CACNA1D: variants seen among roughly 807,000 people sequenced by gnomAD.
CACNA1D encodes voltage-dependent L-type calcium channel subunit alpha-1D.
CACNA1D carries 55 observed loss-of-function variants against 257.1 expected under a neutral mutation model. That is an observed-to-expected ratio of 0.21 (90% CI 0.17 to 0.27). CACNA1D has a LOEUF of 0.27. CACNA1D is among the 10% of genes least tolerant of loss of function. The pLI, the probability that CACNA1D is intolerant of heterozygous loss-of-function variation, is 1.00. For synonymous variants in CACNA1D, 980 were observed against 1,014.9 expected (o/e 0.97, Z 0.65); for missense variants, 1,876 against 2,784.0 (o/e 0.67, Z 7.34).
chr3:53,536,135 A>G (rs558291557), intron 3 of CACNA1D, among the ~76,000 whole-genome samples: 22 of 152,298 alleles, frequency 1.4e-4, no homozygotes, highest in Admixed American at 5.2e-4. Context: ...GGTCTTAACT[A>G]TATTGTTTTC....
intron 5 of CACNA1D, among the ~76,000 whole-genome samples, chr3:53,663,511 T>C (rs1461735371): frequency 1.3e-5 from 2 of 152,184 alleles, no homozygotes; most frequent in Non-Finnish European, 2.9e-5. Flanking sequence ...CCTCAGTCTC[T>C]TGGTTCCTCA....
At chr3:53,741,787 G>A (rs1038861280) in intron 21 of CACNA1D, among the ~76,000 whole-genome samples, 1 of 152,156 alleles carries the variant, frequency 6.6e-6, no homozygotes, top group East Asian at 1.9e-4. Context: ...AAAGTGAATG[G>A]GGAGCTGTTC....
At chr3:53,703,983 T>C (rs972093626) in intron 9 of CACNA1D, among the ~76,000 whole-genome samples, 3 of 152,142 alleles carry the variant, frequency 2.0e-5, no homozygotes, top group African/African-American at 7.2e-5. Context: ...GTGTGACCAT[T>C]CAGTGTCAGA....
rs148841318 is a variant in CACNA1D, at chr3:53,514,961, G to T, written c.483+13241G>T. Among the ~76,000 whole-genome samples the T allele has an allele frequency of 2.1e-3, 325 of 152,288 alleles. 2 individuals carry two copies. The highest frequency in any genetic ancestry group is 7.5e-3 in the African/African-American group (311 of 41,544). On this transcript the variant is annotated intron_variant, in intron 3 of 47. Transcript: ENST00000350061. Reference sequence around the variant, plus strand: ...TTTGCAGCGGATCTGGTGAAGAAATGAACTGAAAATGAGCCTGCTGGCCAT... The same window carrying T: ...TTTGCAGCGGATCTGGTGAAGAAATTAACTGAAAATGAGCCTGCTGGCCAT...
chr3:53,681,873 G>T (rs2094432889), intron 8 of CACNA1D, among the ~76,000 whole-genome samples: 1 of 151,972 alleles, frequency 6.6e-6, no homozygotes, highest in African/African-American at 2.4e-5. Context: ...TAGGGCAAGG[G>T]TATTCTAGTC....
chr3:53,518,842 G>A (rs2091446847), intron 3 of CACNA1D, among the ~76,000 whole-genome samples: 1 of 152,136 alleles, frequency 6.6e-6, no homozygotes, highest in Non-Finnish European at 1.5e-5. Context: ...TCAGAATTAC[G>A]TGTCCAGCTT....
chr3:53,554,196 A>C (rs1470444641), intron 3 of CACNA1D, among the ~76,000 whole-genome samples: 2 of 121,180 alleles, frequency 1.7e-5, no homozygotes, highest in African/African-American at 9.9e-5. Flanking sequence ...ACTCTGTCTC[A>C]AAAAAAAAAA....
At chr3:53,739,119 C>T (rs2095088682) in intron 20 of CACNA1D, among the ~76,000 whole-genome samples, 1 of 152,216 alleles carries the variant, frequency 6.6e-6, no homozygotes, top group Non-Finnish European at 1.5e-5. Flanking sequence ...GACACAGCCC[C>T]CAGGCGACTC....
At chr3:53,808,872 G>A in intron 46 of CACNA1D, 102 bp downstream of exon 46, 1 of 1,232,736 alleles carries the variant, frequency 8.1e-7, no homozygotes. Flanking sequence ...CAGGAGGGAA[G>A]GAGAGAATCT....
At chr3:53,710,465 G>A (rs1395850023) in intron 9 of CACNA1D, 1 of 456,594 alleles carries the variant, frequency 2.2e-6, no homozygotes, top group African/African-American at 2.0e-5. Context: ...GGCAACGCAG[G>A]GCTAAAGATC....
Position 53,805,085 on chromosome 3 carries a change from G to A in CACNA1D, c.5688G>A (p.Ser1896=), listed in dbSNP as rs538758473. The change falls in exon 45 of 48, where the codon TCG becomes TCA. Residue 1896 remains serine (S), a synonymous_variant. Coordinates refer to ENST00000350061, the MANE Select transcript of CACNA1D (RefSeq NM_001128840.3). The stretch of plus-strand genomic sequence containing the variant: ...AAGGATTCTTGGAGGACGATGACTC[G>A]CCCGTTTGCTATGATTCACGGAGAT... ...HPQGFLEDDD[S]PVCYDSRRSP... The A allele has an allele frequency of 2.4e-5, 38 of 1,613,912 alleles. No individual in the cohort carries two copies. The highest frequency in any genetic ancestry group is 3.1e-5 in the Non-Finnish European group (37 of 1,179,996).
intron 9 of CACNA1D, among the ~76,000 whole-genome samples, chr3:53,708,110 T>C (rs1372065112): frequency 6.6e-6 from 1 of 152,236 alleles, no homozygotes; most frequent in Non-Finnish European, 1.5e-5. Context: ...ATGTGCTACC[T>C]AGTTGCCTCT....
At chr3:53,577,656 C>T (rs2093061122) in intron 3 of CACNA1D, among the ~76,000 whole-genome samples, 2 of 152,070 alleles carry the variant, frequency 1.3e-5, no homozygotes, top group African/African-American at 2.4e-5. Flanking sequence ...AGGTTCTCAC[C>T]AGGGGAAGTG....
chr3:53,752,334 C>T (rs1258706568), intron 28 of CACNA1D, among the ~76,000 whole-genome samples: 1 of 152,166 alleles, frequency 6.6e-6, no homozygotes, highest in African/African-American at 2.4e-5. Context: ...ATGGGGAAAT[C>T]TGTCACACCT....
intron 8 of CACNA1D, among the ~76,000 whole-genome samples, chr3:53,680,168 G>C (rs2094416104): frequency 6.6e-6 from 1 of 152,104 alleles, no homozygotes; most frequent in Non-Finnish European, 1.5e-5. Context: ...TGTTTCCATA[G>C]AAATGGCTGT....
intron 23 of CACNA1D, among the ~76,000 whole-genome samples, chr3:53,745,157 G>A (rs563130605): frequency 6.6e-6 from 1 of 151,710 alleles, no homozygotes; most frequent in African/African-American, 2.4e-5. Flanking sequence ...AAAGGCTACT[G>A]GGTTTCTGTT....
chr3:53,558,889 T>C (rs2092690959), intron 3 of CACNA1D, among the ~76,000 whole-genome samples: 2 of 152,200 alleles, frequency 1.3e-5, no homozygotes, highest in South Asian at 4.1e-4. Flanking sequence ...CTTCTTGCAG[T>C]GGTAAGTTTA....
At chr3:53,521,468 G>A (rs889113404) in intron 3 of CACNA1D, among the ~76,000 whole-genome samples, 3 of 152,158 alleles carry the variant, frequency 2.0e-5, no homozygotes, top group African/African-American at 7.2e-5. Flanking sequence ...CTCCCTTGTC[G>A]GAGTAACGGG....
intron 30 of CACNA1D, among the ~76,000 whole-genome samples, chr3:53,768,991 A>G (rs1481068411): frequency 1.3e-5 from 2 of 152,222 alleles, no homozygotes; most frequent in African/African-American, 4.8e-5. Flanking sequence ...AGGGGAAAAG[A>G]GAGGCTGGCA....
Sources: allele counts gnomAD v4.1 joint callset (sites outside exome capture counted in the v4.1 genomes callset), GRCh38; gene constraint gnomAD v4.1.1; transcripts MANE v1.5; gene names NCBI Gene and HGNC (gene_info 2026-07-23, HGNC 2026-07-21).